The following LAD1 variants were observed in gnomAD, a reference collection of about 807,000 sequenced individuals.
The protein encoded by LAD1 is ladinin 1.
LAD1 carries 53 observed loss-of-function variants against 54.2 expected under a neutral mutation model. The ratio of observed to expected loss-of-function variants is 0.98; its 90% CI spans 0.78 to 1.23. The LOEUF is 1.23. Among genes scored for constraint, LAD1 ranks in the 50% most tolerant of loss-of-function variants. The pLI is 0.00. For synonymous variants in LAD1, 231 were observed against 257.7 expected (o/e 0.90, Z 0.99); for missense variants, 637 against 653.3 (o/e 0.98, Z 0.27).
rs1194095457 is a variant in LAD1, at chr1:201,386,751, C to G, written c.610G>C (p.Glu204Gln). The G allele has an allele frequency of 1.2e-6, 2 of 1,614,112 alleles. No homozygotes were observed. The highest frequency in any genetic ancestry group is 1.7e-6 in the Non-Finnish European group (2 of 1,180,046). Residue 204 changes from glutamate to glutamine, a missense_variant, in exon 3 of 10, where the codon GAG (glutamate) becomes CAG (glutamine). By Grantham distance (29) the Glu-to-Gln change is conservative. Transcript: ENST00000391967. Reference protein sequence around the residue: ...SLVSDKTSISEKVLASEKTSL... With the variant: ...SLVSDKTSISQKVLASEKTSL... ...GTCTTCTCTGAGGCCAGCACCTTCT[C>G]AGAGATGGAGGTTTTATCGGAGACC...
Position 201,383,196 on chromosome 1 carries a change from T to C in LAD1, c.1264A>G (p.Lys422Glu). 6.2e-7 allele frequency: 1 copy of C among 1,612,768 alleles called. No homozygotes were observed. The highest frequency in any genetic ancestry group is 8.5e-7 in the Non-Finnish European group (1 of 1,179,484). Reference protein sequence around the residue: ...HTAIRRSESVKSRGLPCTELF... With the variant: ...HTAIRRSESVESRGLPCTELF... Reference sequence around the variant, plus strand: ...TCAGTGCAAGGCAGACCCCGAGACTTGACAGATTCTGATCTCTGGGAACCA... The same window carrying C: ...TCAGTGCAAGGCAGACCCCGAGACTCGACAGATTCTGATCTCTGGGAACCA... Residue 422 changes from lysine (K) to glutamate (E), a missense_variant, in exon 7 of 10, where the codon AAG (lysine) becomes GAG (glutamate). Physicochemically the swap from Lys to Glu is moderately conservative, Grantham distance 56. Transcript: ENST00000391967.
At position 201,381,605 on chromosome 1, in the gene LAD1, G is replaced by T; in HGVS notation, c.*283C>A. 1.8e-6 allele frequency: 1 copy of T among 543,630 alleles called. No homozygotes were observed. The allele number at this position is 543,630 out of a possible 1,614,324, so 33.7% of individuals were successfully genotyped here. On this transcript the variant is annotated 3_prime_UTR_variant, in exon 10 of 10. Coordinates refer to ENST00000391967, the MANE Select transcript of LAD1 (RefSeq NM_005558.4). ...CTCTGGGCAGGACATAGGCCCCATA[G>T]TGCTGATGTGCACTTGTGCTGTGAC...
chr1:201,389,091 A>C, intron 2 of LAD1, 69 bp downstream of exon 2: 1 of 1,548,264 alleles, frequency 6.5e-7, no homozygotes, highest in Non-Finnish European at 8.8e-7. Context: ...GAGCAGACTG[A>C]ATATGCTGCA....
intron 1 of LAD1, among the ~76,000 whole-genome samples, chr1:201,391,865 T>TG (rs1662201553): frequency 6.6e-6 from 1 of 152,124 alleles, no homozygotes; most frequent in African/African-American, 2.4e-5. Flanking sequence ...GAAAGTCAGC[T>TG]GGGGGAGCCC....
Position 201,386,565 on chromosome 1 carries a change from C to T in LAD1, c.796G>A (p.Ala266Thr). 1 of 1,613,944 alleles carries T rather than the reference C, an allele frequency of 6.2e-7. No individual in the cohort carries two copies. The highest frequency in any genetic ancestry group is 1.1e-5 in the South Asian group (1 of 91,056). Reference sequence around the variant, plus strand: ...GTTGGGCTCTTCTCTGAGGCCAGTGCCTTCTCAAAGATGGAAGCTTTCTCA... The same window carrying T: ...GTTGGGCTCTTCTCTGAGGCCAGTGTCTTCTCAAAGATGGAAGCTTTCTCA... ...VSEKASIFEK[A>T]LASEKSPTAD... Residue 266 changes from alanine (A) to threonine (T), a missense_variant, in exon 3 of 10, where the codon GCA becomes ACA. Transcript: ENST00000391967.
At chr1:201,384,357 T>A (rs1012510168) in intron 5 of LAD1, among the ~76,000 whole-genome samples, 9 of 152,020 alleles carry the variant, frequency 5.9e-5, no homozygotes, top group African/African-American at 2.2e-4. Flanking sequence ...CAAAGCATAG[T>A]CCTCAGGCTT....
chr1:201,398,761 C>T (rs564394604), intron 1 of LAD1, among the ~76,000 whole-genome samples: 2 of 152,186 alleles, frequency 1.3e-5, no homozygotes, highest in African/African-American at 2.4e-5. Context: ...AGATTCTGAG[C>T]GTCCTTAGTG....
rs1425456419 is a variant in LAD1, at chr1:201,383,657, A to G, written c.1176-268T>C. 7 of 493,514 alleles carry G rather than the reference A, an allele frequency of 1.4e-5. No individual in the cohort carries two copies. In the South Asian group the frequency reaches 1.5e-4, roughly 10 times the overall value. The allele number at this position is 493,514 out of a possible 1,614,324, so 30.6% of individuals were successfully genotyped here. ...TCATTTCCACTGCAAAACACCTCCC[A>G]AAGCAGGTCCTTCCTTTCCGTCTTC... On this transcript the variant is annotated intron_variant, in intron 5 of 9. Transcript: ENST00000391967.
chr1:201,397,820 A>G (rs1662325008), intron 1 of LAD1, among the ~76,000 whole-genome samples: 1 of 152,094 alleles, frequency 6.6e-6, no homozygotes, highest in Non-Finnish European at 1.5e-5. Context: ...CCACACACAC[A>G]CACACACATA....
chr1:201,387,366 G>A (rs570680572), intron 2 of LAD1, among the ~76,000 whole-genome samples, 188 bp from the exon 3 acceptor site: 3 of 152,268 alleles, frequency 2.0e-5, no homozygotes, highest in Non-Finnish European at 2.9e-5. Context: ...TCTGAGCAAA[G>A]CACACTATGC....
rs1033121135 is a variant in LAD1 at position 201,381,747 on chromosome 1, A to G, written c.*141T>C. On this transcript the variant is annotated 3_prime_UTR_variant, in exon 10 of 10. Transcript: ENST00000391967. ...GAGTCTTGCAAATATTCCTGACCCC[A>G]GGGACCCTGGCCAAACAGATCCACA... 2.8e-5 allele frequency: 26 copies of G among 941,870 alleles called. No homozygotes were observed. The highest frequency in any genetic ancestry group is 4.3e-5 in the Non-Finnish European group (25 of 575,994). The allele number at this position is 941,870 out of a possible 1,614,324, so 58.3% of individuals were successfully genotyped here.
intron 1 of LAD1, among the ~76,000 whole-genome samples, chr1:201,396,040 G>T (rs1571725869): frequency 4.9e-5 from 2 of 40,924 alleles, no homozygotes; most frequent in East Asian, 1.4e-3. Flanking sequence ...CCAGGGCAAA[G>T]CCTGGGAGCC....
intron 1 of LAD1, among the ~76,000 whole-genome samples, chr1:201,398,454 C>T (rs762002237): frequency 6.6e-6 from 1 of 152,212 alleles, no homozygotes; most frequent in South Asian, 2.1e-4. Flanking sequence ...GGGACGGGGG[C>T]GCCCAGTGGA....
intron 1 of LAD1, chr1:201,397,334 C>CT (rs1211127139): frequency 5.9e-5 from 9 of 152,422 alleles, no homozygotes; most frequent in African/African-American, 2.2e-4. Flanking sequence ...GCAGCTGCGT[C>CT]TGCCCACAGG....
At chr1:201,382,042 G>T in intron 9 of LAD1, 149 bp from the exon 10 acceptor site, 3 of 890,078 alleles carry the variant, frequency 3.4e-6, no homozygotes, top group Admixed American at 2.3e-5. Context: ...AGAGGGAGGG[G>T]CTCTGCAGAG....
chr1:201,382,525 T>C lies in LAD1; in HGVS notation c.1473+128A>G, dbSNP rs149629666. The C allele has an allele frequency of 9.8e-4, 750 of 766,344 alleles. 7 individuals carry two copies. In the East Asian group the frequency reaches 0.025, roughly 25 times the overall value. 47.5% of individuals were successfully genotyped at this position (766,344 alleles called of 1,614,324 possible). A position where few individuals can be genotyped will look rare whatever the true frequency, so the allele number is the denominator to read the frequency against. On this transcript the variant is annotated intron_variant, in intron 8 of 9. Coordinates refer to ENST00000391967, the MANE Select transcript of LAD1 (RefSeq NM_005558.4). ...CGACTGCCTCCACTCCTGAAATGACTCCTCCTCTCCCGAAATGACTCCTCC... is the reference window on the plus strand; with the variant it reads ...CGACTGCCTCCACTCCTGAAATGACCCCTCCTCTCCCGAAATGACTCCTCC...
chr1:201,381,792 C>T lies in LAD1; in HGVS notation c.*96G>A. 1 of 1,331,796 alleles carries T rather than the reference C, an allele frequency of 7.5e-7. No individual in the cohort carries two copies. Among genetic ancestry groups the T allele is most frequent in the Non-Finnish European group, 1.1e-6 (1 of 922,600 alleles). 82.5% of individuals were successfully genotyped at this position (1,331,796 alleles called of 1,614,324 possible). Reference sequence around the variant, plus strand: ...TCCACAGGCAAAAAGGGAACAGGGACAATGAGAGGAAAGGGTGCTGCTGTG... The same window carrying T: ...TCCACAGGCAAAAAGGGAACAGGGATAATGAGAGGAAAGGGTGCTGCTGTG... On this transcript the variant is annotated 3_prime_UTR_variant, in exon 10 of 10. Coordinates refer to ENST00000391967, the MANE Select transcript of LAD1 (RefSeq NM_005558.4).
chr1:201,383,625 T>G, intron 5 of LAD1: 1 of 550,430 alleles, frequency 1.8e-6, no homozygotes, highest in Non-Finnish European at 3.3e-6. Context: ...TTCTCCCCCA[T>G]ACCTTGTCAT....
chr1:201,394,889 G>A (rs1571725301), intron 1 of LAD1, among the ~76,000 whole-genome samples: 1 of 152,302 alleles, frequency 6.6e-6, no homozygotes, highest in Non-Finnish European at 1.5e-5. Context: ...AGGGTTCCTG[G>A]GTCTTGAGCC....
Sources: allele counts gnomAD v4.1 joint callset (sites outside exome capture counted in the v4.1 genomes callset), GRCh38; gene constraint gnomAD v4.1.1; transcripts MANE v1.5; gene names NCBI Gene and HGNC (gene_info 2026-07-23, HGNC 2026-07-21).